LPAR6: variants seen among roughly 807,000 people sequenced by gnomAD.
LPAR6 encodes lysophosphatidic acid receptor 6, also known as G-protein coupled purinergic receptor P2Y5.
A neutral mutation model predicts 22.0 loss-of-function variants in LPAR6; 17 were observed. The observed-to-expected ratio is 0.77, with a 90% confidence interval of 0.53 to 1.16. The LOEUF (loss-of-function observed/expected upper bound fraction) is 1.16, where lower values mean the gene tolerates loss of function less well. LPAR6 is among the 50% of genes most tolerant of loss of function. LPAR6 has a pLI of 0.00. For missense variants in LPAR6, 384 were observed against 406.9 expected (o/e 0.94, Z 0.48); for synonymous variants, 136 against 139.8 (o/e 0.97, Z 0.19).
intron 1 of LPAR6, among the ~76,000 whole-genome samples, chr13:48,404,442 G>GA (rs11307004): frequency 6.6e-6 from 1 of 151,008 alleles, no homozygotes; most frequent in African/African-American, 2.4e-5. Context: ...AAAAAGAACA[G>GA]AAAAAAAAAA....
chr13:48,409,397 G>A (rs1948769746), downstream of LPAR6, among the ~76,000 whole-genome samples: 1 of 151,876 alleles, frequency 6.6e-6, no homozygotes. Flanking sequence ...CTCAAACCCA[G>A]AGAACAGCAA....
At chr13:48,430,110 C>A (rs1949114400), upstream of LPAR6, among the ~76,000 whole-genome samples, 1 of 152,112 alleles carries the variant, frequency 6.6e-6, no homozygotes, top group Non-Finnish European at 1.5e-5. Context: ...TTCTCCACAC[C>A]TTCACCCAAA....
Position 48,411,399 on chromosome 13 carries a change from G to T in LPAR6, c.1025C>A (p.Ser342Tyr). 6.2e-7 allele frequency: 1 copy of T among 1,610,754 alleles called. No homozygotes were observed. The stretch of plus-strand genomic sequence containing the variant: ...CCTAATGGTTTTATTTCAGGCAGCA[G>T]ATTCATTGTCAAATATCTTACTTTT... ...TLKSKIFDNE[S>Y]AA Residue 342 changes from serine to tyrosine, a missense_variant, in exon 1 of 1, where the codon TCT (serine) becomes TAT (tyrosine). Ser to Tyr is a moderately radical substitution (Grantham distance 144). Coordinates refer to ENST00000620633, the MANE Select transcript of LPAR6 (RefSeq NM_001162498.3).
chr13:48,428,860 T>C (rs1272056684), upstream of LPAR6, among the ~76,000 whole-genome samples: 1 of 152,342 alleles, frequency 6.6e-6, no homozygotes, highest in South Asian at 2.1e-4. Flanking sequence ...CCTTCCAGCA[T>C]AGATTATTAT....
At chr13:48,420,733 T>C (rs1948992868) in intron 2 of LPAR6, among the ~76,000 whole-genome samples, 2 of 152,240 alleles carry the variant, frequency 1.3e-5, no homozygotes, top group South Asian at 4.1e-4. Context: ...AGTATTCCTA[T>C]ACAACAATAA....
chr13:48,429,248 C>G (rs149850182), upstream of LPAR6: 1 of 152,108 alleles, frequency 6.6e-6, no homozygotes, highest in Non-Finnish European at 1.5e-5. Context: ...GAGGGGGCAA[C>G]GTAAGAAACT....
intron 1 of LPAR6, among the ~76,000 whole-genome samples, chr13:48,402,775 G>A (rs1345403852): frequency 6.6e-6 from 1 of 151,944 alleles, no homozygotes; most frequent in Non-Finnish European, 1.5e-5. Flanking sequence ...TGAATCATGT[G>A]TGTTTCAGTC....
intron 2 of LPAR6, among the ~76,000 whole-genome samples, chr13:48,421,055 CA>C (rs1158863781): frequency 6.6e-6 from 1 of 151,864 alleles, no homozygotes; most frequent in African/African-American, 2.4e-5. Context: ...CATATGGAAC[CA>C]AAAAAGCCCA....
downstream of LPAR6, chr13:48,406,483 T>C (rs1948740966): frequency 6.6e-6 from 1 of 152,208 alleles, no homozygotes; most frequent in African/African-American, 2.4e-5. Flanking sequence ...TGATTATTTT[T>C]CTTTTCTTGC....
chr13:48,437,665 C>G (rs1036816646), intron 1 of LPAR6, among the ~76,000 whole-genome samples: 28 of 152,148 alleles, frequency 1.8e-4, no homozygotes, highest in Admixed American at 3.9e-4. Context: ...TGAGCCTCTC[C>G]GTAGGGCTAC....
chr13:48,412,275 T>C lies in LPAR6; in HGVS notation c.149A>G (p.Asn50Ser), dbSNP rs199946508. 9.3e-6 allele frequency: 15 copies of C among 1,614,100 alleles called. No homozygotes were observed. Among genetic ancestry groups the C allele is most frequent in the Non-Finnish European group, 1.3e-5 (15 of 1,179,964 alleles). ...GTTAATCATGTAAGTTGTAGTTTCA[T>C]TTCGGACTTTGAGGACGCAGATGAA... ...YIFICVLKVRNETTTYMINLA... is the reference protein window; with the variant it reads ...YIFICVLKVRSETTTYMINLA... The change falls in exon 1 of 1, where the codon AAT becomes AGT. Residue 50 changes from asparagine to serine, a missense_variant. Transcript: ENST00000620633.
upstream of LPAR6, among the ~76,000 whole-genome samples, chr13:48,415,481 T>C (rs1948893580): frequency 6.6e-6 from 1 of 152,042 alleles, no homozygotes; most frequent in Non-Finnish European, 1.5e-5. Context: ...GGTTTTACCA[T>C]GTGGCCAGGC....
At chr13:48,406,283 A>G (rs1262058848), downstream of LPAR6, among the ~76,000 whole-genome samples, 1 of 152,164 alleles carries the variant, frequency 6.6e-6, no homozygotes, top group African/African-American at 2.4e-5. Flanking sequence ...CCAGAAATGT[A>G]TGAAGGTAGC....
At chr13:48,391,741 C>T (rs1948612388) in intron 1 of LPAR6, among the ~76,000 whole-genome samples, 1 of 151,932 alleles carries the variant, frequency 6.6e-6, no homozygotes, top group Non-Finnish European at 1.5e-5. Flanking sequence ...GCCTCAGCCT[C>T]CTGAGTAGCT....
intron 1 of LPAR6, among the ~76,000 whole-genome samples, chr13:48,443,349 A>G (rs560979875): frequency 6.6e-6 from 1 of 152,054 alleles, no homozygotes; most frequent in Admixed American, 6.5e-5. Flanking sequence ...AAGCTTCTCT[A>G]TTCATTTGCT....
intron 1 of LPAR6, among the ~76,000 whole-genome samples, chr13:48,441,101 A>G (rs1301893305): frequency 6.6e-6 from 1 of 152,214 alleles, no homozygotes; most frequent in Non-Finnish European, 1.5e-5. Context: ...TATAAACAAC[A>G]GAAATGTATT....
chr13:48,413,649 T>TC (rs1372919556), upstream of LPAR6, among the ~76,000 whole-genome samples: 1 of 152,178 alleles, frequency 6.6e-6, no homozygotes, highest in African/African-American at 2.4e-5. Context: ...ATCCTGGGTC[T>TC]CATTAGTTTT....
chr13:48,443,305 AAG>A (rs1342748023), intron 1 of LPAR6, among the ~76,000 whole-genome samples: 8 of 151,846 alleles, frequency 5.3e-5, no homozygotes, highest in African/African-American at 1.7e-4. Context: ...GTTTTAAAGA[AAG>A]AGTCATAAAT....
At chr13:48,436,847 A>G (rs192391207) in intron 1 of LPAR6, among the ~76,000 whole-genome samples, 203 of 152,282 alleles carry the variant, frequency 1.3e-3, no homozygotes, top group African/African-American at 4.7e-3. Flanking sequence ...TGGCACAAAA[A>G]CATTTCCTGT....
Sources: gnomAD v4.1 joint callset for allele counts (sites outside exome capture counted in the v4.1 genomes callset) on GRCh38, gnomAD v4.1.1 for gene constraint, MANE v1.5 for transcripts, NCBI Gene and HGNC (gene_info 2026-07-23, HGNC 2026-07-21) for gene names.